TNRC6A: variants seen among roughly 807,000 people sequenced by gnomAD.
TNRC6A encodes the protein trinucleotide repeat-containing gene 6A protein.
In TNRC6A, 44 loss-of-function variants were observed where a neutral mutation model predicts 221.2. The observed-to-expected ratio is 0.20, with a 90% CI of 0.16 to 0.26. The LOEUF is 0.26. Ranked by LOEUF, TNRC6A falls within the 10% of genes least tolerant of loss-of-function variation. TNRC6A has a pLI of 1.00. For synonymous variants in TNRC6A, 847 were observed against 838.5 expected, an observed-to-expected ratio of 1.01 and a Z score of -0.18; for missense variants, 2,199 against 2,404.4, an observed-to-expected ratio of 0.91 and a Z score of 1.79.
intron 6 of TNRC6A, among the ~76,000 whole-genome samples, chr16:24,792,202 T>C (rs928064805): frequency 4.6e-5 from 7 of 152,196 alleles, no homozygotes; most frequent in Non-Finnish European, 1.0e-4. Flanking sequence ...TTAGGTTGTA[T>C]ATTTGGCTTT....
At position 24,791,655 on chromosome 16, in the gene TNRC6A, A is replaced by T; in HGVS notation, c.3013A>T (p.Thr1005Ser). 1.2e-6 allele frequency: 2 copies of T among 1,612,754 alleles called. No homozygotes were observed. Among genetic ancestry groups the T allele is most frequent in the Non-Finnish European group, 1.7e-6 (2 of 1,179,692 alleles). Residue 1005 changes from threonine to serine, a missense_variant, in exon 6 of 25, where the codon ACT (threonine) becomes TCT (serine). Transcript: ENST00000395799. ...TCGCAAAATGGAGATTGATGATGGA[A>T]CTTCAGCTTGGGGAGATCCAAGCAA... is the stretch of plus-strand genomic sequence containing the variant. ...IRRKMEIDDG[T>S]SAWGDPSKYN...
chr16:24,818,337 G>A (rs556651967), intron 20 of TNRC6A, among the ~76,000 whole-genome samples: 9 of 152,250 alleles, frequency 5.9e-5, no homozygotes, highest in South Asian at 2.1e-4. Context: ...TTGCTAGAGC[G>A]CATCCTCACA....
chr16:24,782,854 A>G (rs950030479), intron 5 of TNRC6A, among the ~76,000 whole-genome samples: 1 of 152,170 alleles, frequency 6.6e-6, no homozygotes, highest in Non-Finnish European at 1.5e-5. Flanking sequence ...CCTGGGCGAC[A>G]GAGCAAGACT....
At chr16:24,800,512 G>T (rs2058310805) in intron 11 of TNRC6A, among the ~76,000 whole-genome samples, 1 of 152,232 alleles carries the variant, frequency 6.6e-6, no homozygotes, top group Non-Finnish European at 1.5e-5. Flanking sequence ...GCCGATAGTG[G>T]AGAAGGCATC....
intron 2 of TNRC6A, among the ~76,000 whole-genome samples, chr16:24,666,668 A>AAATAT (rs1555487103): frequency 1.1e-4 from 7 of 65,130 alleles, no homozygotes; most frequent in Admixed American, 2.2e-4. Flanking sequence ...AAAAAAAAAA[A>AAATAT]ATATATATAT....
At chr16:24,783,252 C>A (rs569429073) in intron 5 of TNRC6A, among the ~76,000 whole-genome samples, 1 of 152,074 alleles carries the variant, frequency 6.6e-6, no homozygotes, top group South Asian at 2.1e-4. Flanking sequence ...CTTCAGCCTC[C>A]TGAGTAGCTG....
At chr16:24,812,918 G>A (rs1043886088) in intron 18 of TNRC6A, among the ~76,000 whole-genome samples, 13 of 121,134 alleles carry the variant, frequency 1.1e-4, no homozygotes, top group Admixed American at 6.5e-4. Flanking sequence ...CCCAGTTGCC[G>A]AGGCTGGAGT....
At chr16:24,669,901 C>CCACT (rs1189150300) in intron 2 of TNRC6A, among the ~76,000 whole-genome samples, 3 of 141,806 alleles carry the variant, frequency 2.1e-5, no homozygotes, top group Non-Finnish European at 4.5e-5. Context: ...CTATATGCAT[C>CCACT]CACTCATTTT....
intron 1 of TNRC6A, among the ~76,000 whole-genome samples, chr16:24,622,830 C>T (rs1177132470): frequency 3.9e-5 from 6 of 152,072 alleles, no homozygotes; most frequent in East Asian, 1.9e-4. Flanking sequence ...ATCATGATGC[C>T]GGCCAATATT....
intron 5 of TNRC6A, among the ~76,000 whole-genome samples, chr16:24,786,312 G>A (rs1056552917): frequency 6.6e-6 from 1 of 151,250 alleles, no homozygotes; most frequent in African/African-American, 2.4e-5. Context: ...TGTTGTTGTT[G>A]TTGTTTTGTT....
At chr16:24,804,572 A>AAT in intron 12 of TNRC6A, 133 bp from the exon 13 acceptor site, 1 of 1,351,056 alleles carries the variant, frequency 7.4e-7, no homozygotes, top group Non-Finnish European at 1.0e-6. Flanking sequence ...CACTAATCCG[A>AAT]TCTCTTCTGT....
In TNRC6A at chr16:24,697,042, C is replaced by T. The variant is rs116684484; in HGVS notation, n.403-53684C>T. Among the ~76,000 whole-genome samples the T allele has an allele frequency of 5.4e-3, 822 of 152,148 alleles. 10 individuals carry two copies. The highest frequency in any genetic ancestry group is 0.019 in the African/African-American group (775 of 41,508). The stretch of plus-strand genomic sequence containing the variant: ...TAGTTAGTGAGTGACTATGGTTCAC[C>T]GTAGCTTATTGCATATTTTCAGAAA... On this transcript the variant is annotated intron_variant and non_coding_transcript_variant, in intron 2 of 2. Transcript: ENST00000566108.
chr16:24,692,619 C>T (rs2055778536), intron 2 of TNRC6A, among the ~76,000 whole-genome samples: 1 of 151,384 alleles, frequency 6.6e-6, no homozygotes, highest in Non-Finnish European at 1.5e-5. Context: ...TAAAATAAAA[C>T]AAAGTAAAGT....
chr16:24,644,081 A>ATTTTTTTTTTTTTTTTT, intron 2 of TNRC6A, among the ~76,000 whole-genome samples: 1 of 81,560 alleles, frequency 1.2e-5, no homozygotes, highest in Non-Finnish European at 2.1e-5. Flanking sequence ...CTTATCTTTA[A>ATTTTTTTTTTTTTTTTT]TTTTTTTTTT....
At chr16:24,774,988 A>G (rs2057688991) in intron 4 of TNRC6A, among the ~76,000 whole-genome samples, 1 of 152,062 alleles carries the variant, frequency 6.6e-6, no homozygotes, top group Non-Finnish European at 1.5e-5. Flanking sequence ...TTTGCTTAGT[A>G]TTTTTGATCC....
At chr16:24,653,868 T>C (rs1344538616) in intron 2 of TNRC6A, among the ~76,000 whole-genome samples, 2 of 152,132 alleles carry the variant, frequency 1.3e-5, no homozygotes, top group African/African-American at 4.8e-5. Context: ...TCTGAAGAGA[T>C]AATACTTTGA....
At chr16:24,822,324 G>A (rs1596844450) in intron 23 of TNRC6A, among the ~76,000 whole-genome samples, 177 bp downstream of exon 23, 1 of 152,224 alleles carries the variant, frequency 6.6e-6, no homozygotes, top group Non-Finnish European at 1.5e-5. Context: ...GGTTCACGCT[G>A]TAATGTGCCT....
intron 1 of TNRC6A, among the ~76,000 whole-genome samples, chr16:24,617,891 TTTTTA>T (rs1047417802): frequency 3.3e-5 from 5 of 152,082 alleles, no homozygotes; most frequent in Admixed American, 2.6e-4. Context: ...TGAATTAATT[TTTTTA>T]TTTTATTTTA....
At chr16:24,704,569 G>A (rs555250566) in intron 2 of TNRC6A, among the ~76,000 whole-genome samples, 152 of 144,086 alleles carry the variant, frequency 1.1e-3, no homozygotes, top group African/African-American at 3.8e-3. Flanking sequence ...GGAGGCTGAA[G>A]CAGGAGAATC....
Sources: allele counts gnomAD v4.1 joint callset (sites outside exome capture counted in the v4.1 genomes callset), GRCh38; gene constraint gnomAD v4.1.1; transcripts MANE v1.5; gene names NCBI Gene and HGNC (gene_info 2026-07-23, HGNC 2026-07-21).